Variants in VSTM4 observed in about 807,000 individuals in gnomAD.
VSTM4 encodes V-set and transmembrane domain containing 4, also known as V-set and transmembrane domain-containing protein 4.
In VSTM4, 20 loss-of-function variants were observed where a neutral mutation model predicts 36.4. That is an observed-to-expected ratio of 0.55 (90% CI 0.39 to 0.80). The LOEUF is 0.80. Ranked by LOEUF, VSTM4 falls within the 30% of genes least tolerant of loss-of-function variation. VSTM4 has a pLI of 0.00. For missense variants in VSTM4, 392 were observed against 404.5 expected (o/e 0.97, Z 0.26); for synonymous variants, 182 against 173.9 (o/e 1.05, Z -0.37).
intron 5 of VSTM4, among the ~76,000 whole-genome samples, chr10:49,055,625 T>C (rs1259155671): frequency 6.6e-6 from 1 of 152,196 alleles, no homozygotes; most frequent in African/African-American, 2.4e-5. Flanking sequence ...TGTCTTGCCT[T>C]AGGCTTTTTG....
At chr10:49,100,595 C>T (rs1468616746) in intron 2 of VSTM4, among the ~76,000 whole-genome samples, 1 of 151,724 alleles carries the variant, frequency 6.6e-6, no homozygotes, top group Non-Finnish European at 1.5e-5. Flanking sequence ...AAAAAAAACC[C>T]TGACTACATG....
At chr10:49,105,213 C>CAGAGAGAG (rs376193769) in intron 2 of VSTM4, among the ~76,000 whole-genome samples, 26 of 117,542 alleles carry the variant, frequency 2.2e-4, no homozygotes, top group South Asian at 6.1e-4. Context: ...GACAGAGAGA[C>CAGAGAGAG]AGAGAGAGAG....
At position 49,015,222 on chromosome 10, in the gene VSTM4, T is replaced by A. The variant is rs534798213; in HGVS notation, c.*4428A>T. ...CTGCAAGCTCCGCCTCCCGGGTTCA[T>A]GCCATTCTCCTGCCTCAGCCTCCCG... is the stretch of plus-strand genomic sequence containing the variant. On this transcript the variant is annotated 3_prime_UTR_variant, in exon 8 of 8. Coordinates refer to ENST00000332853, the MANE Select transcript of VSTM4 (RefSeq NM_001031746.5). 6.6e-6 allele frequency: 1 copy of A among 150,952 alleles called. No individual in the cohort carries two copies. The highest frequency in any genetic ancestry group is 2.4e-5 in the African/African-American group (1 of 40,944). 9.4% of individuals were successfully genotyped at this position (150,952 alleles called of 1,614,324 possible).
At chr10:49,072,255 C>G (rs114533161) in intron 4 of VSTM4, among the ~76,000 whole-genome samples, 6 of 152,114 alleles carry the variant, frequency 3.9e-5, no homozygotes, top group Non-Finnish European at 7.4e-5. Flanking sequence ...CCTGCCAGAG[C>G]CTAAGACTTT....
intron 7 of VSTM4, among the ~76,000 whole-genome samples, chr10:49,021,832 C>T (rs771558769): frequency 3.2e-4 from 49 of 152,102 alleles, no homozygotes; most frequent in African/African-American, 6.3e-4. Flanking sequence ...ACGCAATATA[C>T]GGTGCAGTCT....
intron 1 of VSTM4, among the ~76,000 whole-genome samples, chr10:49,110,215 GC>G (rs1305683166): frequency 6.6e-6 from 1 of 152,164 alleles, no homozygotes; most frequent in South Asian, 2.1e-4. Flanking sequence ...GGGACCCCAC[GC>G]CCCAGGCTCC....
intron 2 of VSTM4, among the ~76,000 whole-genome samples, chr10:49,087,541 G>T (rs1454906398): frequency 6.6e-6 from 1 of 152,192 alleles, no homozygotes; most frequent in African/African-American, 2.4e-5. Flanking sequence ...GGTTTGAACT[G>T]TTGAGAGGCT....
chr10:49,094,305 T>C (rs1844532213), intron 2 of VSTM4, among the ~76,000 whole-genome samples: 1 of 152,220 alleles, frequency 6.6e-6, no homozygotes, highest in Non-Finnish European at 1.5e-5. Flanking sequence ...TCATGATTTA[T>C]TTTATGGCCT....
intron 7 of VSTM4, among the ~76,000 whole-genome samples, chr10:49,035,984 AG>A (rs1429269144): frequency 2.5e-4 from 38 of 152,268 alleles, no homozygotes; most frequent in Admixed American, 1.6e-3. Context: ...AAGTGTTGGC[AG>A]GGGCAGGCAG....
At chr10:49,045,978 G>A (rs988712712) in intron 7 of VSTM4, among the ~76,000 whole-genome samples, 1 of 152,158 alleles carries the variant, frequency 6.6e-6, no homozygotes, top group Non-Finnish European at 1.5e-5. Context: ...CTCATGACAA[G>A]CGAGTGAGTT....
intron 5 of VSTM4, among the ~76,000 whole-genome samples, chr10:49,058,944 G>T (rs1002701007): frequency 6.6e-6 from 1 of 152,188 alleles, no homozygotes; most frequent in Non-Finnish European, 1.5e-5. Context: ...TTTGCCCATG[G>T]CAGCAGCACA....
At chr10:49,053,007 A>G (rs1348318657) in intron 5 of VSTM4, among the ~76,000 whole-genome samples, 4 of 152,220 alleles carry the variant, frequency 2.6e-5, no homozygotes, top group Non-Finnish European at 5.9e-5. Context: ...ACTGGTCGGA[A>G]TATTTGGCAA....
intron 1 of VSTM4, among the ~76,000 whole-genome samples, chr10:49,114,230 G>C (rs1590145637): frequency 6.6e-6 from 1 of 152,148 alleles, no homozygotes; most frequent in Non-Finnish European, 1.5e-5. Context: ...TCATAGCTGG[G>C]GGACAGTAGA....
At chr10:49,096,995 C>T (rs1301773275) in intron 2 of VSTM4, among the ~76,000 whole-genome samples, 1 of 151,970 alleles carries the variant, frequency 6.6e-6, no homozygotes, top group African/African-American at 2.4e-5. Flanking sequence ...AAGCTGTGGC[C>T]TCCCTAAGAG....
chr10:49,026,073 C>A (rs1365020485), intron 7 of VSTM4, among the ~76,000 whole-genome samples: 1 of 152,214 alleles, frequency 6.6e-6, no homozygotes, highest in East Asian at 1.9e-4. Context: ...AGCTATCATA[C>A]TAGGTCTGCG....
intron 1 of VSTM4, among the ~76,000 whole-genome samples, chr10:49,113,768 T>A (rs1190053055): frequency 6.6e-6 from 1 of 152,030 alleles, no homozygotes; most frequent in Admixed American, 6.6e-5. Flanking sequence ...ATAAAATGGG[T>A]CTGCCAGCCC....
chr10:49,104,603 T>C, intron 2 of VSTM4, among the ~76,000 whole-genome samples: 1 of 152,080 alleles, frequency 6.6e-6, no homozygotes, highest in East Asian at 1.9e-4. Flanking sequence ...ATATGGTCAT[T>C]GCTTCCTAAG....
chr10:49,082,279 T>C (rs1844292714), intron 3 of VSTM4, among the ~76,000 whole-genome samples: 1 of 152,250 alleles, frequency 6.6e-6, no homozygotes, highest in African/African-American at 2.4e-5. Context: ...GGCCAAATAA[T>C]GCTGGTTGAA....
intron 2 of VSTM4, among the ~76,000 whole-genome samples, chr10:49,094,795 G>T (rs920601802): frequency 3.7e-4 from 56 of 152,240 alleles, no homozygotes; most frequent in Admixed American, 1.5e-3. Flanking sequence ...GGTGGGGGGC[G>T]TGCCACTGCA....
Sources: allele counts gnomAD v4.1 joint callset (sites outside exome capture counted in the v4.1 genomes callset), GRCh38; gene constraint gnomAD v4.1.1; transcripts MANE v1.5; gene names NCBI Gene and HGNC (gene_info 2026-07-23, HGNC 2026-07-21).